Variants in ZNF804A observed in about 807,000 individuals in gnomAD.
ZNF804A encodes the protein zinc finger protein 804A.
A neutral mutation model predicts 16.5 loss-of-function variants in ZNF804A; 2 were observed. The ratio of observed to expected loss-of-function variants is 0.12; its 90% CI spans 0.05 to 0.38. The LOEUF (loss-of-function observed/expected upper bound fraction) is 0.38. Ranked by LOEUF, ZNF804A falls within the 10% of genes least tolerant of loss-of-function variation. The pLI, the probability that ZNF804A is intolerant of heterozygous loss-of-function variation, is 0.99. For missense variants in ZNF804A, 1,473 were observed against 1,390.7 expected, an observed-to-expected ratio of 1.06 and a Z score of -0.94; for synonymous variants, 534 against 489.6, an observed-to-expected ratio of 1.09 and a Z score of -1.20.
chr2:184,609,622 C>T (rs1222133544), intron 1 of ZNF804A, among the ~76,000 whole-genome samples: 1 of 152,178 alleles, frequency 6.6e-6, no homozygotes, highest in East Asian at 1.9e-4. Flanking sequence ...GACCTGCTTC[C>T]TGGTTTGCAT....
intron 1 of ZNF804A, among the ~76,000 whole-genome samples, chr2:184,799,367 ATTATG>A (rs768333495): frequency 6.6e-6 from 1 of 151,970 alleles, no homozygotes; most frequent in Non-Finnish European, 1.5e-5. Flanking sequence ...GTGATGGTGT[ATTATG>A]TTATTTTATA....
intron 1 of ZNF804A, among the ~76,000 whole-genome samples, chr2:184,721,978 A>G (rs1693323734): frequency 6.6e-6 from 1 of 152,058 alleles, no homozygotes; most frequent in African/African-American, 2.4e-5. Context: ...GAAATAAGCG[A>G]GGCATAGAAA....
At position 184,682,093 on chromosome 2, in the gene ZNF804A, G is replaced by C. The variant is rs574108324; in HGVS notation, c.111+83023G>C. 1.3e-3 allele frequency among the ~76,000 whole-genome samples: 199 copies of C among 152,338 alleles called. 2 individuals carry two copies. Among genetic ancestry groups the C allele is most frequent in the African/African-American group, 4.3e-3 (180 of 41,592 alleles). ...AGGGAGGGAGACCAGTGAGGGCTGAGTCTTCGCATGGGCCTGCAGTCAGCT... is the reference window on the plus strand; with the variant it reads ...AGGGAGGGAGACCAGTGAGGGCTGACTCTTCGCATGGGCCTGCAGTCAGCT... On this transcript the variant is annotated intron_variant, in intron 1 of 3. Transcript: ENST00000302277.
chr2:184,887,218 AC>A (rs1350534408), intron 2 of ZNF804A, among the ~76,000 whole-genome samples: 1 of 152,188 alleles, frequency 6.6e-6, no homozygotes, highest in African/African-American at 2.4e-5. Flanking sequence ...GTTTGCTAAA[AC>A]ATAACAAGAG....
chr2:184,692,705 T>C (rs987190548), intron 1 of ZNF804A, among the ~76,000 whole-genome samples: 4 of 152,216 alleles, frequency 2.6e-5, no homozygotes, highest in African/African-American at 7.2e-5. Flanking sequence ...TAATTATTCA[T>C]TGAAGGATCC....
At chr2:184,629,972 C>T (rs1259830962) in intron 1 of ZNF804A, among the ~76,000 whole-genome samples, 3 of 152,078 alleles carry the variant, frequency 2.0e-5, no homozygotes. Context: ...TCCTTTGAAA[C>T]CAACATAATA....
At chr2:184,886,052 C>T (rs1453517536) in intron 2 of ZNF804A, among the ~76,000 whole-genome samples, 1 of 152,086 alleles carries the variant, frequency 6.6e-6, no homozygotes, top group Non-Finnish European at 1.5e-5. Context: ...TGAGACAAGG[C>T]AAATGCCTTC....
chr2:184,742,608 T>C (rs1403510297), intron 1 of ZNF804A, among the ~76,000 whole-genome samples: 1 of 151,920 alleles, frequency 6.6e-6, no homozygotes, highest in Non-Finnish European at 1.5e-5. Flanking sequence ...AATTTTCACA[T>C]TGAATTTAAC....
chr2:184,604,673 A>G (rs1464300790), intron 1 of ZNF804A, among the ~76,000 whole-genome samples: 2 of 152,172 alleles, frequency 1.3e-5, no homozygotes, highest in Admixed American at 6.5e-5. Context: ...TTCTGTTGCT[A>G]TGTAGGCTAT....
chr2:184,619,888 T>A (rs1198812660), intron 1 of ZNF804A, among the ~76,000 whole-genome samples: 1 of 151,894 alleles, frequency 6.6e-6, no homozygotes, highest in African/African-American at 2.4e-5. Flanking sequence ...TTTGCAAAAA[T>A]GTGTTTCACA....
intron 1 of ZNF804A, among the ~76,000 whole-genome samples, chr2:184,843,750 T>G (rs576643580): frequency 3.2e-4 from 48 of 152,292 alleles, no homozygotes; most frequent in African/African-American, 8.2e-4. Context: ...GTCTTTTTAG[T>G]TTTAACCTAT....
Position 184,936,509 on chromosome 2 carries a change from T to C in ZNF804A, c.1113T>C (p.Ser371=). The C allele has an allele frequency of 6.2e-7, 1 of 1,613,974 alleles. No individual in the cohort carries two copies. The highest frequency in any genetic ancestry group is 8.5e-7 in the Non-Finnish European group (1 of 1,179,944). The change falls in exon 4 of 4, where the codon TCT becomes TCC. Residue 371 remains serine (S), a synonymous_variant. Transcript: ENST00000302277. ...TTGACATGTCTAATGATTGCATATC[T>C]GTGCAAGCTACCACAGAGGAAAATG... ...TVLDMSNDCI[S]VQATTEENVK... is the part of the protein sequence containing the mutation.
chr2:184,669,052 C>T (rs1459177019), intron 1 of ZNF804A, among the ~76,000 whole-genome samples: 1 of 151,906 alleles, frequency 6.6e-6, no homozygotes, highest in Non-Finnish European at 1.5e-5. Flanking sequence ...TGTGAGGGAG[C>T]ATCCCTTTTG....
intron 1 of ZNF804A, among the ~76,000 whole-genome samples, chr2:184,656,395 G>T (rs1200413065): frequency 6.6e-6 from 1 of 151,988 alleles, no homozygotes; most frequent in East Asian, 1.9e-4. Flanking sequence ...CAGTTAAGGT[G>T]GGAAATAAGG....
intron 1 of ZNF804A, among the ~76,000 whole-genome samples, chr2:184,700,730 TTC>T (rs1185708765): frequency 6.6e-6 from 1 of 152,034 alleles, no homozygotes; most frequent in African/African-American, 2.4e-5. Flanking sequence ...AAGAGGGCAG[TTC>T]TCATTTGATA....
chr2:184,627,616 CAAATGTATTATAT>C (rs1691526986), intron 1 of ZNF804A, among the ~76,000 whole-genome samples: 1 of 152,042 alleles, frequency 6.6e-6, no homozygotes, highest in East Asian at 1.9e-4. Flanking sequence ...AGTGTATATG[CAAATGTATTATAT>C]AAATCTTACA....
At chr2:184,839,743 A>T (rs895083670) in intron 1 of ZNF804A, among the ~76,000 whole-genome samples, 1 of 152,188 alleles carries the variant, frequency 6.6e-6, no homozygotes, top group African/African-American at 2.4e-5. Flanking sequence ...TGTTTACTAC[A>T]TATAAATAAT....
At position 184,840,463 on chromosome 2, in the gene ZNF804A, AC is replaced by A. The variant is rs1409762020; in HGVS notation, c.112-25905del. ...TCTGCAAAAATCAGTTTAAAATCAAACTTTTGTTTCCAGTGTTCAAGAAATA... is the reference window on the plus strand; with the variant it reads ...TCTGCAAAAATCAGTTTAAAATCAAATTTTGTTTCCAGTGTTCAAGAAATA... On this transcript the variant is annotated intron_variant, in intron 1 of 3. Coordinates refer to ENST00000302277, the MANE Select transcript of ZNF804A (RefSeq NM_194250.2). 1.5e-3 allele frequency among the ~76,000 whole-genome samples: 235 copies of A among 152,204 alleles called. 1 individual carries two copies. Among genetic ancestry groups the A allele is most frequent in the African/African-American group, 5.4e-3 (225 of 41,550 alleles).
intron 1 of ZNF804A, among the ~76,000 whole-genome samples, chr2:184,749,742 C>A (rs112897640): frequency 6.6e-6 from 1 of 151,094 alleles, no homozygotes; most frequent in African/African-American, 2.4e-5. Flanking sequence ...TAATTTATTA[C>A]TTTATGGCAT....
Sources: gnomAD v4.1 joint callset for allele counts (sites outside exome capture counted in the v4.1 genomes callset) on GRCh38, gnomAD v4.1.1 for gene constraint, MANE v1.5 for transcripts, NCBI Gene and HGNC (gene_info 2026-07-23, HGNC 2026-07-21) for gene names.